The following ZNF536 variants were observed in gnomAD, a reference collection of about 807,000 sequenced individuals.
The protein encoded by ZNF536 is zinc finger protein 536.
In ZNF536, 13 loss-of-function variants were observed where a neutral mutation model predicts 84.5. That is an observed-to-expected ratio of 0.15 (90% CI 0.10 to 0.24). The LOEUF (loss-of-function observed/expected upper bound fraction) is 0.24, where lower values mean the gene tolerates loss of function less well. Among genes scored for constraint, ZNF536 ranks in the 10% least tolerant of loss-of-function variants. ZNF536 has a pLI of 1.00. For synonymous variants in ZNF536, 811 were observed against 742.5 expected (o/e 1.09, Z -1.50); for missense variants, 1,536 against 1,747.5 (o/e 0.88, Z 2.16).
chr19:30,245,035 CTGCCACCCA>C (rs1372888667), intron 1 of ZNF536, among the ~76,000 whole-genome samples: 1 of 152,202 alleles, frequency 6.6e-6, no homozygotes, highest in Non-Finnish European at 1.5e-5. Context: ...CTGTCCCCAT[CTGCCACCCA>C]TGCCACCCCA....
intron 2 of ZNF536, among the ~76,000 whole-genome samples, chr19:30,289,448 G>A (rs2045757396): frequency 6.6e-6 from 1 of 152,186 alleles, no homozygotes; most frequent in Non-Finnish European, 1.5e-5. Flanking sequence ...TCCAAGGAGG[G>A]CATACCTCCA....
At chr19:30,468,355 G>C (rs1228048505) in intron 2 of ZNF536, among the ~76,000 whole-genome samples, 1 of 152,158 alleles carries the variant, frequency 6.6e-6, no homozygotes, top group African/African-American at 2.4e-5. Flanking sequence ...GAATGAGGAA[G>C]GGGAAGACCC....
chr19:30,546,422 C>T (rs1473722434), intron 3 of ZNF536, among the ~76,000 whole-genome samples: 2 of 152,312 alleles, frequency 1.3e-5, no homozygotes, highest in East Asian at 1.9e-4. Context: ...GGAGAGATCT[C>T]AGCTGCTCAT....
At chr19:30,492,648 C>T (rs2054554736) in intron 2 of ZNF536, among the ~76,000 whole-genome samples, 1 of 152,152 alleles carries the variant, frequency 6.6e-6, no homozygotes, top group South Asian at 2.1e-4. Flanking sequence ...CTTTTGACAA[C>T]GTATCCACGA....
chr19:30,616,149 T>A (rs527748211), intron 1 of ZNF536, among the ~76,000 whole-genome samples: 61 of 152,368 alleles, frequency 4.0e-4, no homozygotes, highest in African/African-American at 1.4e-3. Flanking sequence ...GCTCTTTTTT[T>A]AAACAATTTT....
chr19:30,488,869 AG>A (rs1266371197), intron 2 of ZNF536, among the ~76,000 whole-genome samples: 6 of 152,182 alleles, frequency 3.9e-5, no homozygotes, highest in African/African-American at 1.4e-4. Context: ...TGGCTTTTAT[AG>A]TATTCTTAAA....
In ZNF536 at chr19:30,557,267, T is replaced by C. The variant is rs1599795993; in HGVS notation, c.*103T>C. ...ATCGTGTAAAGTCAAGAGAAGAATG[T>C]ATACACATATGTGTGTTGAATAATT... On this transcript the variant is annotated 3_prime_UTR_variant, in exon 5 of 5. Coordinates refer to ENST00000355537, the MANE Select transcript of ZNF536 (RefSeq NM_014717.3). 2.3e-6 allele frequency: 3 copies of C among 1,309,584 alleles called. No individual in the cohort carries two copies. Among genetic ancestry groups the C allele is most frequent in the Non-Finnish European group, 3.3e-6 (3 of 906,768 alleles). The allele number at this position is 1,309,584 out of a possible 1,614,324, so 81.1% of individuals were successfully genotyped here.
intron 2 of ZNF536, among the ~76,000 whole-genome samples, chr19:30,461,244 G>A (rs931198339): frequency 1.3e-5 from 2 of 152,202 alleles, no homozygotes; most frequent in Non-Finnish European, 2.9e-5. Flanking sequence ...AAGTGGCAGA[G>A]CTGGCATTTG....
At chr19:30,580,205 A>G (rs890821908) in intron 1 of ZNF536, among the ~76,000 whole-genome samples, 9 of 152,188 alleles carry the variant, frequency 5.9e-5, no homozygotes, top group Non-Finnish European at 1.2e-4. Flanking sequence ...GGTCCAGGCC[A>G]CAGAGAGCCC....
At chr19:30,685,590 AGT>A (rs1178119839) in intron 1 of ZNF536, among the ~76,000 whole-genome samples, 2 of 152,204 alleles carry the variant, frequency 1.3e-5, no homozygotes, top group Non-Finnish European at 2.9e-5. Context: ...TCTGTAGCCA[AGT>A]CACGATTTTA....
At chr19:30,430,954 G>T (rs2051431002) in intron 1 of ZNF536, among the ~76,000 whole-genome samples, 1 of 152,196 alleles carries the variant, frequency 6.6e-6, no homozygotes, top group Non-Finnish European at 1.5e-5. Flanking sequence ...GGGATTATTG[G>T]CATGAGCCAC....
chr19:30,289,590 G>T (rs948439622), intron 2 of ZNF536, among the ~76,000 whole-genome samples: 15 of 152,290 alleles, frequency 9.8e-5, no homozygotes, highest in African/African-American at 2.4e-4. Context: ...TGAGGCCCAG[G>T]GGTGCTTCTC....
At chr19:30,659,655 C>T (rs1248574749) in intron 1 of ZNF536, among the ~76,000 whole-genome samples, 1 of 152,146 alleles carries the variant, frequency 6.6e-6, no homozygotes, top group East Asian at 1.9e-4. Flanking sequence ...ATGCCAGAAG[C>T]TTATAAAACC....
chr19:30,403,009 C>T lies in ZNF536; in HGVS notation c.-3+30453C>T, dbSNP rs913348793. On this transcript the variant is annotated intron_variant, in intron 1 of 4. Transcript: ENST00000355537. ...AATAAATGTTTACATTTGGTGTTGC[C>T]GTGCCCTGGCCCCCTGGTAGGAATG... Among the ~76,000 whole-genome samples, 9 of 151,738 alleles carry T rather than the reference C, an allele frequency of 5.9e-5. No individual in the cohort carries two copies. In the South Asian group the frequency reaches 8.3e-4, roughly 14 times the overall value.
chr19:30,583,860 A>G (rs2047006547), intron 1 of ZNF536, among the ~76,000 whole-genome samples: 2 of 152,186 alleles, frequency 1.3e-5, no homozygotes, highest in Admixed American at 1.3e-4. Flanking sequence ...TCGGCTATTG[A>G]TGGAGACCCG....
At chr19:30,442,553 C>T (rs2148127865) in intron 1 of ZNF536, among the ~76,000 whole-genome samples, 1 of 152,238 alleles carries the variant, frequency 6.6e-6, no homozygotes, top group Middle Eastern at 3.4e-3. Flanking sequence ...AATCAAAGTC[C>T]CTGCTTTGGA....
chr19:30,460,747 T>C (rs2053095601), intron 2 of ZNF536, among the ~76,000 whole-genome samples: 1 of 152,158 alleles, frequency 6.6e-6, no homozygotes, highest in Non-Finnish European at 1.5e-5. Context: ...AAGGTGGGAT[T>C]CCCTGCTCTT....
At chr19:30,383,684 CTTCCTTTCTTTTCTTTCT>C (rs2049127631) in intron 1 of ZNF536, among the ~76,000 whole-genome samples, 1 of 12,838 alleles carries the variant, frequency 7.8e-5, no homozygotes, top group Non-Finnish European at 1.6e-4. Context: ...TCCTTTCTTC[CTTCCTTTCTTTTCTTTCT>C]CTTTCTTTCT....
chr19:30,638,776 G>C (rs912994320), intron 1 of ZNF536, among the ~76,000 whole-genome samples: 1 of 152,138 alleles, frequency 6.6e-6, no homozygotes, highest in East Asian at 1.9e-4. Flanking sequence ...GGCCAGATTA[G>C]GACAAGAGCA....
Sources: allele counts gnomAD v4.1 joint callset (sites outside exome capture counted in the v4.1 genomes callset), GRCh38; gene constraint gnomAD v4.1.1; transcripts MANE v1.5; gene names NCBI Gene and HGNC (gene_info 2026-07-23, HGNC 2026-07-21).